The following NPLOC4 variants were observed in gnomAD, a reference collection of about 807,000 sequenced individuals.
NPLOC4 encodes the protein nuclear protein localization protein 4 homolog.
NPLOC4 carries 18 observed loss-of-function variants against 80.6 expected under a neutral mutation model. The ratio of observed to expected loss-of-function variants is 0.22; its 90% confidence interval spans 0.15 to 0.33. The LOEUF (loss-of-function observed/expected upper bound fraction) is 0.33. NPLOC4 is among the 10% of genes least tolerant of loss of function. NPLOC4 has a pLI of 1.00. For synonymous variants in NPLOC4, 313 were observed against 301.5 expected, an observed-to-expected ratio of 1.04 and a Z score of -0.39; for missense variants, 540 against 786.1, an observed-to-expected ratio of 0.69 and a Z score of 3.74.
intron 2 of NPLOC4, among the ~76,000 whole-genome samples, chr17:81,629,458 G>A (rs1377448834): frequency 1.3e-5 from 2 of 152,120 alleles, no homozygotes; most frequent in Non-Finnish European, 2.9e-5. Context: ...GAAGTGCTGG[G>A]ATTACAGGTG....
chr17:81,630,784 C>T (rs1435862523), intron 1 of NPLOC4, among the ~76,000 whole-genome samples: 1 of 152,066 alleles, frequency 6.6e-6, no homozygotes, highest in African/African-American at 2.4e-5. Flanking sequence ...AGCTGAGGCA[C>T]GAGGATCACT....
intron 6 of NPLOC4, among the ~76,000 whole-genome samples, chr17:81,607,393 CAAAAAA>C (rs1158799161): frequency 4.5e-4 from 35 of 77,888 alleles, no homozygotes; most frequent in African/African-American, 1.5e-3. Flanking sequence ...ATATAACTGA[CAAAAAA>C]AAAAAAAAAA....
chr17:81,613,425 A>C lies in NPLOC4; in HGVS notation c.279T>G (p.Val93=). ...AGPSSEMETS[V]PPGFKVFGAP... is the part of the protein sequence containing the mutation. ...CGCCAAAGACTTTGAAGCCCGGTGG[A>C]ACTGACGTCTCCATTTCAGATGAGG... The change falls in exon 4 of 17, where the codon GTT becomes GTG. Residue 93 remains valine (V), a synonymous_variant. Transcript: ENST00000331134. The C allele has an allele frequency of 6.2e-7, 1 of 1,613,950 alleles. No homozygotes were observed. The highest frequency in any genetic ancestry group is 8.5e-7 in the Non-Finnish European group (1 of 1,179,896).
intron 12 of NPLOC4, among the ~76,000 whole-genome samples, chr17:81,579,806 C>T (rs2034390969): frequency 6.6e-6 from 1 of 152,176 alleles, no homozygotes. Flanking sequence ...ATACTGGTGA[C>T]TGTCCTTTGC....
intron 7 of NPLOC4, 96 bp downstream of exon 7, chr17:81,606,595 G>A (rs557458762): frequency 3.9e-6 from 5 of 1,287,588 alleles, no homozygotes; most frequent in African/African-American, 3.0e-5. Flanking sequence ...AATCCACCAC[G>A]CATAGTGCTA....
chr17:81,574,090 G>A (rs9911383), intron 12 of NPLOC4, among the ~76,000 whole-genome samples: 21,777 of 152,224 alleles, frequency 0.14, 1,856 homozygotes, highest in Admixed American at 0.23. Context: ...ATCAAATCCA[G>A]TCAAACTAAA....
At chr17:81,629,837 C>G in intron 1 of NPLOC4, 32 bp from the exon 2 acceptor site, 1 of 1,507,208 alleles carries the variant, frequency 6.6e-7, no homozygotes, top group South Asian at 1.1e-5. Context: ...GGTTACTGCA[C>G]AGCCTAGTGA....
rs1037103713 is a variant in NPLOC4 at position 81,577,261 on chromosome 17, C to A, written c.1282-5173G>T. Among the ~76,000 whole-genome samples, 10 of 152,126 alleles carry A rather than the reference C, an allele frequency of 6.6e-5. No homozygotes were observed. The highest frequency in any genetic ancestry group is 2.4e-4 in the African/African-American group (10 of 41,416). Reference sequence around the variant, plus strand: ...CCATCACTGTGTAGTCCTCGCCAGACTGCCTGTCCGCACAGCTCTCCAGAC... The same window carrying A: ...CCATCACTGTGTAGTCCTCGCCAGAATGCCTGTCCGCACAGCTCTCCAGAC... On this transcript the variant is annotated intron_variant, in intron 12 of 16. Coordinates refer to ENST00000331134, the MANE Select transcript of NPLOC4 (RefSeq NM_017921.4). The surrounding 1 kb of genome is among the most constrained non-coding windows in gnomAD (Gnocchi z 4.3).
intron 1 of NPLOC4, 102 bp downstream of exon 1, chr17:81,636,814 C>A: frequency 8.2e-7 from 1 of 1,223,058 alleles, no homozygotes; most frequent in Non-Finnish European, 1.0e-6. Flanking sequence ...GAGAAAGGGG[C>A]CGAGTCGCGG....
chr17:81,569,285 G>A (rs539981756), intron 13 of NPLOC4, among the ~76,000 whole-genome samples, 174 bp from the exon 14 acceptor site: 1 of 152,296 alleles, frequency 6.6e-6, no homozygotes, highest in African/African-American at 2.4e-5. Context: ...ATCTCTAAAC[G>A]AACACTTGGA....
chr17:81,569,712 T>A (rs1316993007), intron 13 of NPLOC4, among the ~76,000 whole-genome samples: 1 of 152,162 alleles, frequency 6.6e-6, no homozygotes, highest in Non-Finnish European at 1.5e-5. Flanking sequence ...AGGGTTCAGC[T>A]CTTCTCTCTC....
At position 81,597,222 on chromosome 17, in the gene NPLOC4, G is replaced by A. The variant is rs202045831; in HGVS notation, c.993+23C>T. ...CTGTAACCAAGCCATAGGGCCACAC[G>A]CACAGTCCTGTCTCCACCTCACCTT... On this transcript the variant is annotated intron_variant, in intron 10 of 16. Transcript: ENST00000331134. The A allele has an allele frequency of 5.9e-4, 937 of 1,598,698 alleles. 4 individuals carry two copies. Among genetic ancestry groups the A allele is most frequent in the Middle Eastern group, 6.6e-4 (4 of 6,028 alleles).
intron 5 of NPLOC4, 84 bp downstream of exon 5, chr17:81,610,126 G>T: frequency 6.4e-6 from 8 of 1,254,934 alleles, no homozygotes; most frequent in Non-Finnish European, 9.1e-6. Flanking sequence ...AGCCAAGTGC[G>T]TGGACTCAGG....
At chr17:81,601,033 C>A (rs2035045696) in intron 8 of NPLOC4, among the ~76,000 whole-genome samples, 1 of 152,204 alleles carries the variant, frequency 6.6e-6, no homozygotes, top group African/African-American at 2.4e-5. Context: ...TGGCACAGGG[C>A]AGTCGATGAG....
intron 12 of NPLOC4, among the ~76,000 whole-genome samples, chr17:81,575,561 C>A (rs2144078835): frequency 6.6e-6 from 1 of 152,328 alleles, no homozygotes; most frequent in Admixed American, 6.5e-5. Flanking sequence ...TACTGCTGTC[C>A]AAGACAGGAA....
At chr17:81,614,149 C>T (rs1051083539) in intron 3 of NPLOC4, among the ~76,000 whole-genome samples, 2 of 151,536 alleles carry the variant, frequency 1.3e-5, no homozygotes, top group Non-Finnish European at 2.9e-5. Context: ...TGGTGGCGCA[C>T]GCCTGTAGTC....
At chr17:81,609,460 C>T (rs1474750215) in intron 5 of NPLOC4, among the ~76,000 whole-genome samples, 1 of 152,194 alleles carries the variant, frequency 6.6e-6, no homozygotes, top group Non-Finnish European at 1.5e-5. Flanking sequence ...GCGTGAACCA[C>T]CACACCCAGC....
chr17:81,604,570 G>C lies in NPLOC4; in HGVS notation c.812C>G (p.Ala271Gly). The C allele has an allele frequency of 1.2e-6, 2 of 1,611,892 alleles. No homozygotes were observed. Among genetic ancestry groups the C allele is most frequent in the Non-Finnish European group, 1.7e-6 (2 of 1,179,278 alleles). The change falls in exon 8 of 17, where the codon GCT becomes GGT. Residue 271 changes from alanine to glycine, a missense_variant. Transcript: ENST00000331134. ...DIPLGIRAEV[A>G]AIYEPPQIGT... The stretch of plus-strand genomic sequence containing the variant: ...TACCTGAGGTGGCTCATAAATCGCA[G>C]CCACTTCAGCCCTGATGCCAAGGGG...
At chr17:81,631,541 T>C (rs1164462460) in intron 1 of NPLOC4, among the ~76,000 whole-genome samples, 1 of 151,284 alleles carries the variant, frequency 6.6e-6, no homozygotes, top group Non-Finnish European at 1.5e-5. Flanking sequence ...GACAACTTGA[T>C]GTTTATGCTG....
Sources: gnomAD v4.1 joint callset for allele counts (sites outside exome capture counted in the v4.1 genomes callset) on GRCh38, gnomAD v4.1.1 for gene constraint, Gnocchi (gnomAD v3.1) non-coding constraint, MANE v1.5 for transcripts, NCBI Gene and HGNC (gene_info 2026-07-23, HGNC 2026-07-21) for gene names.